The following ZMAT4 variants were observed in gnomAD, a reference collection of about 807,000 sequenced individuals.
ZMAT4 encodes zinc finger matrin-type protein 4.
ZMAT4 carries 17 observed loss-of-function variants against 28.7 expected under a neutral mutation model. The ratio of observed to expected loss-of-function variants is 0.59; its 90% CI spans 0.41 to 0.89. The LOEUF (loss-of-function observed/expected upper bound fraction) is 0.89, where lower values mean the gene tolerates loss of function less well. Ranked by LOEUF, ZMAT4 falls within the 40% of genes least tolerant of loss-of-function variation. The pLI is 0.00. For missense variants in ZMAT4, 240 were observed against 283.8 expected, an observed-to-expected ratio of 0.85 and a Z score of 1.11; for synonymous variants, 117 against 109.2, an observed-to-expected ratio of 1.07 and a Z score of -0.44.
Position 40,643,022 on chromosome 8 carries a change from G to C in ZMAT4, c.577+31682C>G, listed in dbSNP as rs910024587. On this transcript the variant is annotated intron_variant, in intron 5 of 6. Transcript: ENST00000297737. Reference sequence around the variant, plus strand: ...TAACTCTTGGGATGAAACTGGAGAAGTTTTGGAATTTGAAGATACCATGGA... The same window carrying C: ...TAACTCTTGGGATGAAACTGGAGAACTTTTGGAATTTGAAGATACCATGGA... Among the ~76,000 whole-genome samples, 5 of 152,230 alleles carry C rather than the reference G, an allele frequency of 3.3e-5. No individual in the cohort carries two copies. The East Asian group carries it at 9.6e-4, about 29-fold the overall frequency.
At chr8:40,762,902 A>G (rs1304113515) in intron 3 of ZMAT4, among the ~76,000 whole-genome samples, 2 of 152,178 alleles carry the variant, frequency 1.3e-5, no homozygotes, top group Non-Finnish European at 2.9e-5. Context: ...TTAGGTAGTC[A>G]ACAGTGCTAG....
At chr8:40,748,258 A>G (rs904065884) in intron 3 of ZMAT4, among the ~76,000 whole-genome samples, 4 of 152,244 alleles carry the variant, frequency 2.6e-5, no homozygotes, top group Non-Finnish European at 5.9e-5. Flanking sequence ...CTATTTTGCT[A>G]TACGGAGTCA....
intron 5 of ZMAT4, among the ~76,000 whole-genome samples, chr8:40,648,404 C>A (rs1563386344): frequency 6.7e-6 from 1 of 149,726 alleles, no homozygotes; most frequent in Non-Finnish European, 1.5e-5. Context: ...AGCAAAGCCT[C>A]CAAGAAATAT....
At chr8:40,687,777 T>G (rs1009374303) in intron 4 of ZMAT4, among the ~76,000 whole-genome samples, 1 of 152,158 alleles carries the variant, frequency 6.6e-6, no homozygotes, top group Non-Finnish European at 1.5e-5. Context: ...TAACTGAAAA[T>G]GAAAGGCCAG....
At chr8:40,790,960 A>G (rs1814301175) in intron 2 of ZMAT4, among the ~76,000 whole-genome samples, 1 of 152,240 alleles carries the variant, frequency 6.6e-6, no homozygotes, top group Admixed American at 6.5e-5. Flanking sequence ...AACAGAACAC[A>G]GTGGCCAGAA....
At chr8:40,688,550 G>A (rs533305195) in intron 4 of ZMAT4, among the ~76,000 whole-genome samples, 1 of 152,180 alleles carries the variant, frequency 6.6e-6, no homozygotes, top group Admixed American at 6.5e-5. Context: ...CCTCAAGATG[G>A]CCAAAATACA....
chr8:40,747,021 T>C (rs1345060798), intron 3 of ZMAT4, among the ~76,000 whole-genome samples: 2 of 152,164 alleles, frequency 1.3e-5, no homozygotes, highest in Admixed American at 6.5e-5. Context: ...CCTTCATCCA[T>C]AGCACTTATG....
chr8:40,761,479 T>C (rs1423602930), intron 3 of ZMAT4, among the ~76,000 whole-genome samples: 2 of 151,904 alleles, frequency 1.3e-5, no homozygotes, highest in Non-Finnish European at 2.9e-5. Flanking sequence ...CTTCTAAAGC[T>C]TTTGCCTTGG....
intron 1 of ZMAT4, chr8:40,884,718 C>G (rs532899695): frequency 1.3e-5 from 2 of 152,484 alleles, no homozygotes; most frequent in South Asian, 2.1e-4. Context: ...AATCTCCAGG[C>G]TGCTCCTGCT....
At chr8:40,676,503 C>G (rs1808915994) in intron 4 of ZMAT4, among the ~76,000 whole-genome samples, 1 of 152,148 alleles carries the variant, frequency 6.6e-6, no homozygotes, top group African/African-American at 2.4e-5. Context: ...CAAGGAAAAG[C>G]TGAGGTCCGA....
chr8:40,803,613 C>G (rs1256083592), intron 2 of ZMAT4, among the ~76,000 whole-genome samples: 2 of 152,172 alleles, frequency 1.3e-5, no homozygotes, highest in African/African-American at 4.8e-5. Context: ...ATCAGGAGCT[C>G]TCATCATTGC....
intron 1 of ZMAT4, among the ~76,000 whole-genome samples, chr8:40,889,416 G>C (rs555510897): frequency 7.9e-5 from 12 of 152,296 alleles, no homozygotes; most frequent in African/African-American, 2.9e-4. Flanking sequence ...TTGAACATTT[G>C]TGGTTGGAAT....
Position 40,540,356 on chromosome 8 carries a change from C to T in ZMAT4, c.675-8118G>A, listed in dbSNP as rs199759903. On this transcript the variant is annotated intron_variant, in intron 6 of 6. Coordinates refer to ENST00000297737, the MANE Select transcript of ZMAT4 (RefSeq NM_024645.3). ...TTTCACCCAATAAAATCCTGTCTTA[C>T]TCACCTTTTAAATTGTCTGCAAGCC... Among the ~76,000 whole-genome samples, 55 of 152,234 alleles carry T rather than the reference C, an allele frequency of 3.6e-4. No homozygotes were observed. The East Asian group carries it at 0.01, about 28-fold the overall frequency.
chr8:40,565,446 C>T (rs966017718), intron 6 of ZMAT4, among the ~76,000 whole-genome samples: 2 of 134,030 alleles, frequency 1.5e-5, no homozygotes, highest in East Asian at 4.4e-4. Flanking sequence ...TGCAGTGGGG[C>T]GATCACTGCA....
At chr8:40,638,750 C>A (rs145779389) in intron 5 of ZMAT4, among the ~76,000 whole-genome samples, 1 of 152,206 alleles carries the variant, frequency 6.6e-6, no homozygotes, top group Non-Finnish European at 1.5e-5. Context: ...AAATGGAACA[C>A]AAACCAGAGG....
At chr8:40,819,463 C>T (rs1815665461) in intron 2 of ZMAT4, among the ~76,000 whole-genome samples, 1 of 152,118 alleles carries the variant, frequency 6.6e-6, no homozygotes, top group Non-Finnish European at 1.5e-5. Context: ...CCTCCAGTCT[C>T]CCCCACCTTC....
chr8:40,703,220 ATG>A lies in ZMAT4; in HGVS notation c.193-5821_193-5820del, dbSNP rs201562615. ...AGCTACTGTGGAAAATGAGAACTGA[ATG>A]TATTTCATTCAAGAGAAATAAAAAT... On this transcript the variant is annotated intron_variant, in intron 3 of 6. Coordinates refer to ENST00000297737, the MANE Select transcript of ZMAT4 (RefSeq NM_024645.3). Among the ~76,000 whole-genome samples, 114 of 152,290 alleles carry A rather than the reference ATG, an allele frequency of 7.5e-4. 2 individuals carry two copies. The East Asian group carries it at 0.021, about 28-fold the overall frequency.
chr8:40,847,082 G>C (rs937063302), intron 1 of ZMAT4, among the ~76,000 whole-genome samples: 24 of 151,878 alleles, frequency 1.6e-4, no homozygotes, highest in Admixed American at 9.8e-4. Context: ...GCATGTGCCT[G>C]TAATCCCAGC....
chr8:40,705,282 T>A (rs1001258859), intron 3 of ZMAT4, among the ~76,000 whole-genome samples: 1 of 152,164 alleles, frequency 6.6e-6, no homozygotes, highest in African/African-American at 2.4e-5. Flanking sequence ...CTATGTAAGT[T>A]AGATAAGCCC....
Sources: gnomAD v4.1 joint callset for allele counts (sites outside exome capture counted in the v4.1 genomes callset) on GRCh38, gnomAD v4.1.1 for gene constraint, MANE v1.5 for transcripts, NCBI Gene and HGNC (gene_info 2026-07-23, HGNC 2026-07-21) for gene names.